The following ST6GAL1 variants were observed in gnomAD, a reference collection of about 807,000 sequenced individuals.
ST6GAL1 encodes the protein ST6 beta-galactoside alpha-2,6-sialyltransferase 1, also known as beta-galactoside alpha-2,6-sialyltransferase 1.
A neutral mutation model predicts 38.0 loss-of-function variants in ST6GAL1; 20 were observed. That is an observed-to-expected ratio of 0.53 (90% CI 0.37 to 0.77). The LOEUF (loss-of-function observed/expected upper bound fraction) is 0.77, where lower values mean the gene tolerates loss of function less well. Ranked by LOEUF, ST6GAL1 falls within the 30% of genes least tolerant of loss-of-function variation. The probability of loss-of-function intolerance (pLI) is 0.00; values close to 1 mark genes in which losing one functional copy is unlikely to be tolerated. For missense variants in ST6GAL1, 432 were observed against 496.4 expected (o/e 0.87, Z 1.23); for synonymous variants, 196 against 188.2 (o/e 1.04, Z -0.34).
chr3:187,012,190 A>C (rs1343950291), intron 2 of ST6GAL1, among the ~76,000 whole-genome samples: 1 of 152,204 alleles, frequency 6.6e-6, no homozygotes, highest in African/African-American at 2.4e-5. Flanking sequence ...GGCTCTCAAT[A>C]AACTGTCTGC....
intron 2 of ST6GAL1, among the ~76,000 whole-genome samples, chr3:187,023,715 T>TCA (rs1717411294): frequency 6.6e-6 from 1 of 151,746 alleles, no homozygotes; most frequent in Non-Finnish European, 1.5e-5. Flanking sequence ...AAGGGGAACA[T>TCA]CACACACCGG....
chr3:186,937,842 G>A (rs899476710), intron 1 of ST6GAL1, among the ~76,000 whole-genome samples: 2 of 152,196 alleles, frequency 1.3e-5, no homozygotes, highest in African/African-American at 4.8e-5. Flanking sequence ...GGAGGCTGAT[G>A]CAGGCAGATC....
chr3:186,992,484 AAAAT>A (rs1241586658), intron 2 of ST6GAL1, among the ~76,000 whole-genome samples: 1 of 152,058 alleles, frequency 6.6e-6, no homozygotes, highest in African/African-American at 2.4e-5. Context: ...ATGACCTTAA[AAAAT>A]AAATAAATAA....
intron 4 of ST6GAL1, among the ~76,000 whole-genome samples, chr3:187,043,562 G>T (rs1718200669): frequency 6.6e-6 from 1 of 152,138 alleles, no homozygotes; most frequent in Non-Finnish European, 1.5e-5. Flanking sequence ...ATAATAATTA[G>T]ATATATTTAT....
intron 2 of ST6GAL1, among the ~76,000 whole-genome samples, chr3:187,002,943 A>G (rs530114092): frequency 4.6e-5 from 7 of 152,242 alleles, no homozygotes; most frequent in Non-Finnish European, 1.0e-4. Context: ...GAAGAATATA[A>G]AACATTAGTA....
intron 5 of ST6GAL1, among the ~76,000 whole-genome samples, chr3:187,066,968 T>C (rs1487672419): frequency 6.6e-6 from 1 of 151,940 alleles, no homozygotes; most frequent in Non-Finnish European, 1.5e-5. Flanking sequence ...GGCCAGGAGA[T>C]GTGACATGGT....
At chr3:186,986,403 G>A (rs947646516) in intron 2 of ST6GAL1, 2 of 152,444 alleles carry the variant, frequency 1.3e-5, no homozygotes, top group African/African-American at 4.8e-5. Flanking sequence ...GTTGAATACA[G>A]TATTAAATAC....
At position 187,076,137 on chromosome 3, in the gene ST6GAL1, C is replaced by T. The variant is rs1240537960; in HGVS notation, c.*334C>T. 2 of 294,372 alleles carry T rather than the reference C, an allele frequency of 6.8e-6. No individual in the cohort carries two copies. Among genetic ancestry groups the T allele is most frequent in the Non-Finnish European group, 6.4e-6 (1 of 156,576 alleles). 18.2% of individuals were successfully genotyped at this position (294,372 alleles called of 1,614,324 possible). On this transcript the variant is annotated 3_prime_UTR_variant, in exon 8 of 8. Transcript: ENST00000169298. ...CTGCCAAAGCTGGGCTTTGTTTTTC[C>T]CAGCAGAATGATGCCATTCTCACAA... is the stretch of plus-strand genomic sequence containing the variant.
chr3:186,956,739 G>T (rs9826667), intron 1 of ST6GAL1, among the ~76,000 whole-genome samples: 2 of 152,010 alleles, frequency 1.3e-5, no homozygotes, highest in Non-Finnish European at 2.9e-5. Flanking sequence ...TCACCCTCCC[G>T]TAAGATCCAC....
chr3:187,053,067 C>T (rs977465805), intron 5 of ST6GAL1, among the ~76,000 whole-genome samples: 40 of 152,228 alleles, frequency 2.6e-4, no homozygotes, highest in African/African-American at 9.6e-4. Flanking sequence ...AGCATTTTTT[C>T]ATGTGCCTGT....
Position 186,952,534 on chromosome 3 carries a change from TCA to T in ST6GAL1, c.-324-11249_-324-11248del, listed in dbSNP as rs1714617358. Reference sequence around the variant, plus strand: ...TTTTTATTTTTATTGAGATGGAGTCTCACTCTCTTACCCAGGCTGGAGTGCAG... The same window carrying T: ...TTTTTATTTTTATTGAGATGGAGTCTCTCTCTTACCCAGGCTGGAGTGCAG... On this transcript the variant is annotated intron_variant, in intron 1 of 7. Coordinates refer to ENST00000169298, the MANE Select transcript of ST6GAL1 (RefSeq NM_173216.2). This position sits in a 1 kb window ranked among gnomAD's most constrained non-coding sequence, Gnocchi z 4.1. 6.6e-6 allele frequency among the ~76,000 whole-genome samples: 1 copy of T among 152,116 alleles called. No individual in the cohort carries two copies.
At chr3:187,011,223 T>TC (rs2108558745) in intron 2 of ST6GAL1, among the ~76,000 whole-genome samples, 1 of 152,286 alleles carries the variant, frequency 6.6e-6, no homozygotes, top group African/African-American at 2.4e-5. Flanking sequence ...GGTCTCGAAC[T>TC]ACTGACCTCA....
chr3:187,004,525 TGTAGGA>T (rs1310865481), intron 2 of ST6GAL1, among the ~76,000 whole-genome samples: 6 of 152,116 alleles, frequency 3.9e-5, no homozygotes, highest in Non-Finnish European at 8.8e-5. Context: ...CCATAGGCAG[TGTAGGA>T]GGAAGGGAAG....
intron 1 of ST6GAL1, among the ~76,000 whole-genome samples, chr3:186,953,304 C>T (rs543579812): frequency 6.6e-6 from 1 of 152,252 alleles, no homozygotes; most frequent in South Asian, 2.1e-4. Context: ...TGCTCTTTTC[C>T]ACCGCTTCAT....
intron 1 of ST6GAL1, among the ~76,000 whole-genome samples, chr3:186,933,157 T>C (rs1713819887): frequency 6.6e-6 from 1 of 152,232 alleles, no homozygotes; most frequent in Non-Finnish European, 1.5e-5. Context: ...ACCCACTTTT[T>C]CCTAATTGGT....
At chr3:186,978,295 A>G (rs1194156820) in intron 2 of ST6GAL1, among the ~76,000 whole-genome samples, 1 of 152,216 alleles carries the variant, frequency 6.6e-6, no homozygotes, top group African/African-American at 2.4e-5. Flanking sequence ...GTAAAGGTAG[A>G]GGTGGAATTT....
intron 2 of ST6GAL1, among the ~76,000 whole-genome samples, chr3:186,976,455 C>T (rs1010523680): frequency 4.0e-5 from 6 of 151,646 alleles, no homozygotes; most frequent in Non-Finnish European, 1.5e-5. Flanking sequence ...TTTGAGATAG[C>T]GTCTTGCTCT....
chr3:187,074,070 T>C, intron 6 of ST6GAL1, 89 bp from the exon 7 acceptor site: 1 of 1,217,982 alleles, frequency 8.2e-7, no homozygotes, highest in Non-Finnish European at 1.1e-6. Context: ...TCCTTTCCCC[T>C]CCCCATGTCC....
In ST6GAL1 at chr3:186,954,283, G is replaced by A. The variant is rs1048553698; in HGVS notation, c.-324-9502G>A. The stretch of plus-strand genomic sequence containing the variant: ...TCTTTGCTATTGTGAATAGTGCTGC[G>A]ATGAACATATGCGTGCATGTATCTT... On this transcript the variant is annotated intron_variant, in intron 1 of 7. Coordinates refer to ENST00000169298, the MANE Select transcript of ST6GAL1 (RefSeq NM_173216.2). Among the ~76,000 whole-genome samples, 10 of 152,066 alleles carry A rather than the reference G, an allele frequency of 6.6e-5. 1 individual carries two copies. The highest frequency in any genetic ancestry group is 3.8e-4 in the East Asian group (2 of 5,206).
Sources: gnomAD v4.1 joint callset for allele counts (sites outside exome capture counted in the v4.1 genomes callset) on GRCh38, gnomAD v4.1.1 for gene constraint, Gnocchi (gnomAD v3.1) non-coding constraint, MANE v1.5 for transcripts, NCBI Gene and HGNC (gene_info 2026-07-23, HGNC 2026-07-21) for gene names.